SH3RF3: variants seen among roughly 807,000 people sequenced by gnomAD.
SH3RF3 encodes E3 ubiquitin-protein ligase SH3RF3.
A neutral mutation model predicts 66.3 loss-of-function variants in SH3RF3; 29 were observed. The ratio of observed to expected loss-of-function variants is 0.44; its 90% CI spans 0.33 to 0.60. The LOEUF (loss-of-function observed/expected upper bound fraction) is 0.60, where lower values mean the gene tolerates loss of function less well. SH3RF3 is among the 20% of genes least tolerant of loss of function. SH3RF3 has a pLI of 0.04. For missense variants in SH3RF3, 1,194 were observed against 1,190.9 expected, an observed-to-expected ratio of 1.00 and a Z score of -0.04; for synonymous variants, 583 against 532.0, an observed-to-expected ratio of 1.10 and a Z score of -1.32.
chr2:109,413,714 A>G (rs1433457454), intron 4 of SH3RF3, among the ~76,000 whole-genome samples: 1 of 152,178 alleles, frequency 6.6e-6, no homozygotes, highest in Non-Finnish European at 1.5e-5. Context: ...CACAGCATAG[A>G]CATGTCATGA....
In SH3RF3 at chr2:109,144,131, G is replaced by T. The variant is rs545768103; in HGVS notation, c.573+14018G>T. On this transcript the variant is annotated intron_variant, in intron 1 of 9. Coordinates refer to ENST00000309415, the MANE Select transcript of SH3RF3 (RefSeq NM_001099289.3). Reference sequence around the variant, plus strand: ...ATTCTGGAGTTCTACTGTGCAGCATGGTGACCATAGTTAACAATACTCGAT... The same window carrying T: ...ATTCTGGAGTTCTACTGTGCAGCATTGTGACCATAGTTAACAATACTCGAT... 6.0e-4 allele frequency among the ~76,000 whole-genome samples: 91 copies of T among 152,282 alleles called. 1 individual carries two copies. In the Middle Eastern group the frequency reaches 0.024, roughly 40 times the overall value.
At chr2:109,225,695 G>A (rs906548282) in intron 1 of SH3RF3, among the ~76,000 whole-genome samples, 1 of 152,392 alleles carries the variant, frequency 6.6e-6, no homozygotes, top group South Asian at 2.1e-4. Context: ...ACAGAGAGGA[G>A]AGCAGGTGGT....
chr2:109,215,891 T>C (rs1248666350), intron 1 of SH3RF3, among the ~76,000 whole-genome samples: 1 of 152,032 alleles, frequency 6.6e-6, no homozygotes, highest in South Asian at 2.1e-4. Flanking sequence ...GCATACAGAG[T>C]GGGGTCCACA....
chr2:109,170,592 C>T (rs1677756282), intron 1 of SH3RF3, among the ~76,000 whole-genome samples: 1 of 152,120 alleles, frequency 6.6e-6, no homozygotes, highest in Non-Finnish European at 1.5e-5. Flanking sequence ...CCTCGTGATC[C>T]ACCCGCCTCG....
chr2:109,490,624 T>G lies in SH3RF3; in HGVS notation c.2168T>G (p.Leu723Arg). Residue 723 changes from leucine (L) to arginine (R), a missense_variant, in exon 9 of 10, where the codon CTC becomes CGC. Transcript: ENST00000309415. Reference sequence around the variant, plus strand: ...CCCCAGAAAGAGAAGAAGAGTGGGCTCCTGAAGCTTCTAGCCGGAGCATCC... The same window carrying G: ...CCCCAGAAAGAGAAGAAGAGTGGGCGCCTGAAGCTTCTAGCCGGAGCATCC... ...KSEKKEKKSG[L>R]LKLLAGASTK... 6.8e-7 allele frequency: 1 copy of G among 1,464,352 alleles called. No homozygotes were observed. 90.7% of individuals were successfully genotyped at this position (1,464,352 alleles called of 1,614,324 possible).
At chr2:109,288,815 C>CTTTTTTTTTTTTTTTTTTT (rs1559003628) in intron 1 of SH3RF3, among the ~76,000 whole-genome samples, 3 of 152,136 alleles carry the variant, frequency 2.0e-5, no homozygotes, top group African/African-American at 4.8e-5. Context: ...AAATCACTTT[C>CTTTTTTTTTTTTTTTTTTT]TTATTTAGTA....
At chr2:109,434,747 T>TC (rs1263858284) in intron 6 of SH3RF3, among the ~76,000 whole-genome samples, 1 of 152,056 alleles carries the variant, frequency 6.6e-6, no homozygotes, top group African/African-American at 2.4e-5. Context: ...GCATTCAGGA[T>TC]CCCCCCTCAC....
chr2:109,472,473 G>A (rs1389815722), intron 8 of SH3RF3, among the ~76,000 whole-genome samples: 2 of 152,192 alleles, frequency 1.3e-5, no homozygotes, highest in African/African-American at 4.8e-5. Flanking sequence ...GGCTTGGCAA[G>A]CTGGCAGCCA....
intron 1 of SH3RF3, among the ~76,000 whole-genome samples, chr2:109,326,323 A>T (rs1040862986): frequency 6.6e-6 from 1 of 151,824 alleles, no homozygotes; most frequent in African/African-American, 2.4e-5. Flanking sequence ...TAGACTATCT[A>T]CTTCACAGTT....
Position 109,129,825 on chromosome 2 carries a change from C to G in SH3RF3, c.285C>G (p.Pro95=), listed in dbSNP as rs993226067. The part of the protein sequence containing the change: ...IVCSRHELRC[P]ECRILVGCGV... Reference sequence around the variant, plus strand: ...GCTCGCGCCACGAGCTGCGCTGCCCCGAGTGCCGCATCCTGGTGGGCTGCG... The same window carrying G: ...GCTCGCGCCACGAGCTGCGCTGCCCGGAGTGCCGCATCCTGGTGGGCTGCG... The change falls in exon 1 of 10, where the codon CCC becomes CCG. Residue 95 remains proline, a synonymous_variant. Coordinates refer to ENST00000309415, the MANE Select transcript of SH3RF3 (RefSeq NM_001099289.3). The G allele has an allele frequency of 3.3e-6, 5 of 1,537,198 alleles. No homozygotes were observed. Among genetic ancestry groups the G allele is most frequent in the East Asian group, 2.5e-5 (1 of 40,598 alleles).
At chr2:109,362,067 T>G (rs566840849) in intron 2 of SH3RF3, among the ~76,000 whole-genome samples, 1 of 152,134 alleles carries the variant, frequency 6.6e-6, no homozygotes, top group Non-Finnish European at 1.5e-5. Flanking sequence ...GTTTTCAATT[T>G]CATTGATTTC....
chr2:109,207,123 T>C (rs1028291291), intron 1 of SH3RF3, among the ~76,000 whole-genome samples: 1 of 152,158 alleles, frequency 6.6e-6, no homozygotes, highest in East Asian at 1.9e-4. Flanking sequence ...GTGTGTGCTG[T>C]AGAGGATGAT....
intron 2 of SH3RF3, among the ~76,000 whole-genome samples, chr2:109,367,842 T>C (rs1015448827): frequency 6.6e-6 from 1 of 152,208 alleles, no homozygotes; most frequent in Admixed American, 6.5e-5. Flanking sequence ...GCTCAGAGGG[T>C]GCACAGGCTT....
intron 9 of SH3RF3, among the ~76,000 whole-genome samples, chr2:109,498,076 C>T (rs1382005315): frequency 2.0e-5 from 3 of 152,156 alleles, no homozygotes; most frequent in African/African-American, 4.8e-5. Flanking sequence ...CATCTGTCCT[C>T]CTTGAAGGAG....
At chr2:109,423,004 C>T (rs1295798140) in intron 5 of SH3RF3, among the ~76,000 whole-genome samples, 1 of 152,192 alleles carries the variant, frequency 6.6e-6, no homozygotes, top group East Asian at 1.9e-4. Context: ...AGCAACGGAA[C>T]TCTTGGCACA....
intron 1 of SH3RF3, among the ~76,000 whole-genome samples, chr2:109,266,769 G>A (rs1420033645): frequency 1.3e-5 from 2 of 152,252 alleles, no homozygotes; most frequent in Non-Finnish European, 2.9e-5. Flanking sequence ...AAGAGACAGG[G>A]GTGAGCGTGT....
chr2:109,157,556 A>G (rs761441259), intron 1 of SH3RF3, among the ~76,000 whole-genome samples: 2 of 152,202 alleles, frequency 1.3e-5, no homozygotes, highest in African/African-American at 2.4e-5. Flanking sequence ...ATGAGGAAAA[A>G]GATTTCCTTG....
intron 2 of SH3RF3, among the ~76,000 whole-genome samples, chr2:109,361,843 G>A (rs1683055925): frequency 6.6e-6 from 1 of 152,018 alleles, no homozygotes; most frequent in South Asian, 2.1e-4. Context: ...ATTTCATCTG[G>A]GTTATCAAAT....
At chr2:109,306,424 C>T (rs1445383160) in intron 1 of SH3RF3, among the ~76,000 whole-genome samples, 4 of 152,232 alleles carry the variant, frequency 2.6e-5, no homozygotes, top group African/African-American at 9.6e-5. Flanking sequence ...CCGATTCCAT[C>T]CTGCTGCTGC....
Sources: gnomAD v4.1 joint callset for allele counts (sites outside exome capture counted in the v4.1 genomes callset) on GRCh38, gnomAD v4.1.1 for gene constraint, MANE v1.5 for transcripts, NCBI Gene and HGNC (gene_info 2026-07-23, HGNC 2026-07-21) for gene names.